KATNIP: variants seen among roughly 807,000 people sequenced by gnomAD.
KATNIP encodes the protein katanin-interacting protein.
Under a neutral mutation model 174.0 loss-of-function variants are expected in KATNIP, and 126 were observed. That is an observed-to-expected ratio of 0.72 (90% CI 0.63 to 0.84). KATNIP has a LOEUF of 0.84. KATNIP is among the 40% of genes least tolerant of loss of function. KATNIP has a pLI of 0.00. For synonymous variants in KATNIP, 810 were observed against 835.7 expected, an observed-to-expected ratio of 0.97 and a Z score of 0.53; for missense variants, 1,958 against 2,109.7, an observed-to-expected ratio of 0.93 and a Z score of 1.41.
Position 27,739,777 on chromosome 16 carries a change from G to A in KATNIP, c.1744-264G>A, listed in dbSNP as rs9930892. On this transcript the variant is annotated intron_variant, in intron 14 of 27. Transcript: ENST00000261588. Reference sequence around the variant, plus strand: ...GGGAGACCCATTAGTAGGCTATTACGAATGTCCCGACAGGAGGTAATGATG... The same window carrying A: ...GGGAGACCCATTAGTAGGCTATTACAAATGTCCCGACAGGAGGTAATGATG... Among the ~76,000 whole-genome samples the A allele has an allele frequency of 7.9e-3, 1,198 of 152,212 alleles. 15 individuals carry two copies. The highest frequency in any genetic ancestry group is 0.028 in the African/African-American group (1,146 of 41,500).
intron 18 of KATNIP, among the ~76,000 whole-genome samples, chr16:27,759,652 G>T (rs1490920625): frequency 6.6e-6 from 1 of 152,196 alleles, no homozygotes; most frequent in African/African-American, 2.4e-5. Flanking sequence ...GAGGCTGCTG[G>T]CCAGAGAGAC....
intron 1 of KATNIP, among the ~76,000 whole-genome samples, chr16:27,558,164 T>A (rs1179662108): frequency 6.6e-6 from 1 of 152,162 alleles, no homozygotes; most frequent in Non-Finnish European, 1.5e-5. Flanking sequence ...TTTTTGTTTT[T>A]AGATAGAGTC....
intron 2 of KATNIP, among the ~76,000 whole-genome samples, chr16:27,588,007 C>A (rs1303214617): frequency 2.0e-5 from 3 of 151,016 alleles, no homozygotes; most frequent in Non-Finnish European, 4.4e-5. Flanking sequence ...CCTCTCACTT[C>A]AGCCTCCCAG....
chr16:27,608,791 C>T (rs1036205335), intron 2 of KATNIP, among the ~76,000 whole-genome samples: 2 of 152,186 alleles, frequency 1.3e-5, no homozygotes, highest in African/African-American at 4.8e-5. Context: ...CATTGAGGCT[C>T]TGCTTTCGTG....
chr16:27,708,401 A>T, intron 12 of KATNIP: 1 of 297,258 alleles, frequency 3.4e-6, no homozygotes, highest in Non-Finnish European at 6.3e-6. Flanking sequence ...TGGGGGAGAG[A>T]CGTGCATGTT....
At position 27,582,653 on chromosome 16, in the gene KATNIP, T is replaced by C. The variant is rs1424314889; in HGVS notation, c.63+8697T>C. 3.3e-5 allele frequency among the ~76,000 whole-genome samples: 5 copies of C among 152,274 alleles called. No individual in the cohort carries two copies. In the East Asian group the frequency reaches 5.8e-4, roughly 18 times the overall value. On this transcript the variant is annotated intron_variant, in intron 2 of 27. Coordinates refer to ENST00000261588, the MANE Select transcript of KATNIP (RefSeq NM_015202.5). ...CCTGGAACCAAACAGCGTGGATTCC[T>C]AGGCTAGTTCTATCACTCAGGCAAG... is the stretch of plus-strand genomic sequence containing the variant.
intron 10 of KATNIP, among the ~76,000 whole-genome samples, chr16:27,700,109 A>T (rs1323132836): frequency 6.6e-6 from 1 of 151,970 alleles, no homozygotes; most frequent in Non-Finnish European, 1.5e-5. Flanking sequence ...ACAAGGTTTC[A>T]TCATGTTAGT....
intron 18 of KATNIP, among the ~76,000 whole-genome samples, chr16:27,760,985 G>A (rs1380482581): frequency 6.6e-6 from 1 of 152,230 alleles, no homozygotes; most frequent in East Asian, 1.9e-4. Flanking sequence ...GTTGGAGAGA[G>A]AGGAATATAA....
At chr16:27,569,280 T>C (rs114012016) in intron 1 of KATNIP, among the ~76,000 whole-genome samples, 325 of 152,372 alleles carry the variant, frequency 2.1e-3, no homozygotes, top group African/African-American at 7.5e-3. Flanking sequence ...TATCTTCATC[T>C]AGAGCAAAGT....
At chr16:27,696,495 C>T (rs2078916316) in intron 8 of KATNIP, among the ~76,000 whole-genome samples, 1 of 152,122 alleles carries the variant, frequency 6.6e-6, no homozygotes, top group South Asian at 2.1e-4. Flanking sequence ...TCCTTCCTCC[C>T]ACCTTCTGCC....
At position 27,740,197 on chromosome 16, in the gene KATNIP, A is replaced by G. The variant is rs1597344917; in HGVS notation, c.1900A>G (p.Asn634Asp). ...EKSEQLEEAMNAHSEESKGTH... is the reference protein window; with the variant it reads ...EKSEQLEEAMDAHSEESKGTH... ...GAGCGAGCAACTAGAGGAGGCCATGAACGCTCACTCGGAAGAAAGCAAAGG... is the reference window on the plus strand; with the variant it reads ...GAGCGAGCAACTAGAGGAGGCCATGGACGCTCACTCGGAAGAAAGCAAAGG... Residue 634 changes from asparagine (N) to aspartate (D), a missense_variant, in exon 15 of 28, where the codon AAC (asparagine) becomes GAC (aspartate). Physicochemically the swap from Asn to Asp is conservative, Grantham distance 23 (BLOSUM62 1). Transcript: ENST00000261588. The G allele has an allele frequency of 1.2e-6, 2 of 1,614,172 alleles. No individual in the cohort carries two copies. Among genetic ancestry groups the G allele is most frequent in the Non-Finnish European group, 1.7e-6 (2 of 1,180,032 alleles).
chr16:27,714,642 T>C (rs2079844141), intron 13 of KATNIP, among the ~76,000 whole-genome samples: 1 of 152,138 alleles, frequency 6.6e-6, no homozygotes, highest in Non-Finnish European at 1.5e-5. Context: ...AACATTGCTA[T>C]TGACCTTACA....
Position 27,699,585 on chromosome 16 carries a change from G to C in KATNIP, c.1165G>C (p.Glu389Gln). 1 of 1,614,174 alleles carries C rather than the reference G, an allele frequency of 6.2e-7. No individual in the cohort carries two copies. Among genetic ancestry groups the C allele is most frequent in the South Asian group, 1.1e-5 (1 of 91,078 alleles). The change falls in exon 10 of 28, where the codon GAA (glutamate) becomes CAA (glutamine). Residue 389 changes from glutamate to glutamine, a missense_variant. Around this residue, in one of 3 missense-constraint regions of KATNIP, gnomAD observed 1,557 missense variants for 1,617.8 expected, o/e 0.96. Transcript: ENST00000261588. ...ATGGACCAGTCTGCTGGAGGAGAAG[G>C]AAGAGACCCTTGAGGTCAGTGCTAG... is the stretch of plus-strand genomic sequence containing the variant. ...KPWTSLLEEK[E>Q]ETLELLPITT...
intron 8 of KATNIP, among the ~76,000 whole-genome samples, chr16:27,683,727 C>T (rs2078428947): frequency 6.6e-6 from 1 of 152,060 alleles, no homozygotes; most frequent in African/African-American, 2.4e-5. Flanking sequence ...GAGATAAAGG[C>T]CTGAGTCTGC....
intron 1 of KATNIP, among the ~76,000 whole-genome samples, chr16:27,570,767 T>C (rs1187275339): frequency 6.6e-6 from 1 of 151,994 alleles, no homozygotes. Flanking sequence ...ATTTTGCAGC[T>C]GGGTCTCCAG....
At chr16:27,643,633 A>G (rs545327368) in intron 5 of KATNIP, among the ~76,000 whole-genome samples, 20 of 145,302 alleles carry the variant, frequency 1.4e-4, no homozygotes, top group African/African-American at 5.1e-4. Flanking sequence ...AAATGAGTGA[A>G]TGCACCTGAG....
intron 2 of KATNIP, among the ~76,000 whole-genome samples, chr16:27,615,499 C>T (rs550112146): frequency 7.2e-5 from 11 of 152,172 alleles, no homozygotes; most frequent in African/African-American, 1.9e-4. Flanking sequence ...GGACTACAGA[C>T]GTGTACCACC....
chr16:27,606,735 T>C (rs1271939368), intron 2 of KATNIP, among the ~76,000 whole-genome samples: 2 of 151,652 alleles, frequency 1.3e-5, no homozygotes, highest in East Asian at 3.9e-4. Flanking sequence ...TTTCTAACTT[T>C]TTTTTTTTTT....
intron 27 of KATNIP, 78 bp downstream of exon 27, chr16:27,778,047 C>T (rs1332763360): frequency 5.4e-6 from 7 of 1,302,762 alleles, no homozygotes; most frequent in African/African-American, 2.9e-5. Context: ...TGGCCTTGCA[C>T]CCCCACCCTC....
Sources: gnomAD v4.1 joint callset for allele counts (sites outside exome capture counted in the v4.1 genomes callset) on GRCh38, gnomAD v4.1.1 for gene constraint, gnomAD v4.1.1 regional missense constraint, MANE v1.5 for transcripts, NCBI Gene and HGNC (gene_info 2026-07-23, HGNC 2026-07-21) for gene names.